ATP6V1A: variants seen among roughly 807,000 people sequenced by gnomAD.
ATP6V1A encodes ATPase H+ transporting V1 subunit A.
A neutral mutation model predicts 70.1 loss-of-function variants in ATP6V1A; 18 were observed. That is an observed-to-expected ratio of 0.26 (90% CI 0.18 to 0.38). ATP6V1A has a LOEUF of 0.38. Ranked by LOEUF, ATP6V1A falls within the 10% of genes least tolerant of loss-of-function variation. The probability of loss-of-function intolerance (pLI) is 1.00; values close to 1 mark genes in which losing one functional copy is unlikely to be tolerated. For missense variants in ATP6V1A, 424 were observed against 772.4 expected (o/e 0.55, Z 5.35); for synonymous variants, 232 against 253.8 (o/e 0.91, Z 0.82).
Position 113,761,965 on chromosome 3 carries a change from C to T in ATP6V1A, c.-14+14852C>T, listed in dbSNP as rs946462348. Reference sequence around the variant, plus strand: ...GTCAGGAGTTCGAGACCAGCCTGACCAACATGTAGAAACCCCAACTCTACT... The same window carrying T: ...GTCAGGAGTTCGAGACCAGCCTGACTAACATGTAGAAACCCCAACTCTACT... On this transcript the variant is annotated intron_variant, in intron 1 of 14. Transcript: ENST00000273398. Among the ~76,000 whole-genome samples, 10 of 120,150 alleles carry T rather than the reference C, an allele frequency of 8.3e-5. 1 individual carries two copies. The highest frequency in any genetic ancestry group is 1.4e-4 in the Non-Finnish European group (8 of 55,412). 78.8% of individuals were successfully genotyped at this position (120,150 alleles called of 152,430 possible).
chr3:113,793,678 T>A (rs573752393), intron 8 of ATP6V1A, among the ~76,000 whole-genome samples: 70 of 152,204 alleles, frequency 4.6e-4, no homozygotes, highest in Non-Finnish European at 7.5e-4. Flanking sequence ...TGATAAGTAA[T>A]GTTTCCTAAA....
chr3:113,807,819 T>C (rs1162387090), intron 14 of ATP6V1A, among the ~76,000 whole-genome samples: 1 of 152,150 alleles, frequency 6.6e-6, no homozygotes, highest in Non-Finnish European at 1.5e-5. Context: ...AATATTTTTC[T>C]ATTCTTAGAC....
rs1433760084 is a variant in ATP6V1A, at chr3:113,794,914, T to C, written c.1031T>C (p.Val344Ala). 3.7e-6 allele frequency: 6 copies of C among 1,613,738 alleles called. No homozygotes were observed. The highest frequency in any genetic ancestry group is 1.6e-4 in the Middle Eastern group (1 of 6,082). ...SEYFRDMGYH[V>A]SMMADSTSRW... The stretch of plus-strand genomic sequence containing the variant: ...TACTTCCGTGACATGGGCTATCATG[T>C]CAGTATGATGGCTGACTCTACCTCT... The change falls in exon 9 of 15, where the codon GTC becomes GCC. Residue 344 changes from valine to alanine, a missense_variant. By Grantham distance (64) the Val-to-Ala change is moderately conservative (BLOSUM62 0). Around this residue, in one of 9 missense-constraint regions of ATP6V1A, gnomAD observed 58 missense variants for 181.5 expected, o/e 0.32. Transcript: ENST00000273398.
chr3:113,765,251 TG>T (rs1708755002), intron 1 of ATP6V1A, among the ~76,000 whole-genome samples: 1 of 152,146 alleles, frequency 6.6e-6, no homozygotes, highest in Non-Finnish European at 1.5e-5. Flanking sequence ...TATAGTTAGT[TG>T]GTTATGTTTG....
At position 113,809,550 on chromosome 3, in the gene ATP6V1A, T is replaced by A. The variant is rs972764926; in HGVS notation, c.*123T>A. 11 of 784,420 alleles carry A rather than the reference T, an allele frequency of 1.4e-5. No homozygotes were observed. In the Admixed American group the frequency reaches 3.2e-4, roughly 23 times the overall value. The allele number at this position is 784,420 out of a possible 1,614,324, so 48.6% of individuals were successfully genotyped here. ...TGTGCAGCTTTGAGACTAGTGCCTA[T>A]GTGTGTTATTTGTTTCCCTGTTTTT... On this transcript the variant is annotated 3_prime_UTR_variant, in exon 15 of 15. Transcript: ENST00000273398.
chr3:113,780,466 C>T (rs1049983984), intron 2 of ATP6V1A, among the ~76,000 whole-genome samples: 6 of 152,090 alleles, frequency 3.9e-5, no homozygotes, highest in African/African-American at 1.4e-4. Context: ...AATATCCTTA[C>T]GGCCTATGAA....
intron 8 of ATP6V1A, among the ~76,000 whole-genome samples, chr3:113,794,290 G>A (rs1347259411): frequency 6.6e-6 from 1 of 152,214 alleles, no homozygotes; most frequent in Non-Finnish European, 1.5e-5. Flanking sequence ...GTGTGTGTAT[G>A]TGATATATAG....
chr3:113,748,565 G>A (rs1327155109), intron 1 of ATP6V1A, among the ~76,000 whole-genome samples: 1 of 152,142 alleles, frequency 6.6e-6, no homozygotes, highest in African/African-American at 2.4e-5. Flanking sequence ...TTGTTTTTCT[G>A]TGTCTTCCAA....
Position 113,809,498 on chromosome 3 carries a change from C to T in ATP6V1A, c.*71C>T. On this transcript the variant is annotated 3_prime_UTR_variant, in exon 15 of 15. Coordinates refer to ENST00000273398, the MANE Select transcript of ATP6V1A (RefSeq NM_001690.4). ...CCTATGTGTATATTTTCCTGAATTT[C>T]TCATCTCAAACCCTTTGCTTCTTTA... is the stretch of plus-strand genomic sequence containing the variant. 4 of 1,383,184 alleles carry T rather than the reference C, an allele frequency of 2.9e-6. No individual in the cohort carries two copies. The highest frequency in any genetic ancestry group is 2.0e-6 in the Non-Finnish European group (2 of 989,512). The allele number at this position is 1,383,184 out of a possible 1,614,324, so 85.7% of individuals were successfully genotyped here. A position where few individuals can be genotyped will look rare whatever the true frequency, so the allele number is the denominator to read the frequency against.
At chr3:113,808,132 A>G (rs1336507087) in intron 14 of ATP6V1A, among the ~76,000 whole-genome samples, 1 of 146,390 alleles carries the variant, frequency 6.8e-6, no homozygotes, top group Non-Finnish European at 1.5e-5. Flanking sequence ...CTCTGTCTGA[A>G]AAAAAAAAAA....
At chr3:113,790,208 CAGG>C (rs1357186209) in intron 8 of ATP6V1A, among the ~76,000 whole-genome samples, 3 of 145,298 alleles carry the variant, frequency 2.1e-5, no homozygotes, top group African/African-American at 7.7e-5. Context: ...GAGGCTGAGA[CAGG>C]AGAATTGCTT....
rs751949227 is a variant in ATP6V1A, at chr3:113,788,818, T to C, written c.822T>C (p.Tyr274=). 1 of 1,613,820 alleles carries C rather than the reference T, an allele frequency of 6.2e-7. No individual in the cohort carries two copies. The highest frequency in any genetic ancestry group is 1.1e-5 in the South Asian group (1 of 91,070). ...ATTCTAACAGTGATGTAATCATCTATGTAGGATGTGGTGAAAGAGGAAATG... is the reference window on the plus strand; with the variant it reads ...ATTCTAACAGTGATGTAATCATCTACGTAGGATGTGGTGAAAGAGGAAATG... The part of the protein sequence containing the change: ...SKYSNSDVII[Y]VGCGERGNEM... The change falls in exon 7 of 15, where the codon TAT becomes TAC. Residue 274 remains tyrosine (Y), a synonymous_variant. Transcript: ENST00000273398.
intron 1 of ATP6V1A, among the ~76,000 whole-genome samples, chr3:113,756,030 A>G (rs1708643870): frequency 6.6e-6 from 1 of 152,206 alleles, no homozygotes; most frequent in Non-Finnish European, 1.5e-5. Context: ...ATGCTTTCTT[A>G]ATACTTTAGT....
intron 1 of ATP6V1A, among the ~76,000 whole-genome samples, chr3:113,776,352 A>G (rs1186472729): frequency 6.6e-6 from 1 of 152,222 alleles, no homozygotes; most frequent in African/African-American, 2.4e-5. Context: ...CCTGCGTGAC[A>G]GCGAGAACTT....
chr3:113,791,986 T>G (rs1331496263), intron 8 of ATP6V1A, among the ~76,000 whole-genome samples: 6 of 151,402 alleles, frequency 4.0e-5, no homozygotes, highest in African/African-American at 1.5e-4. Context: ...TACCCTTATT[T>G]GGTTTTCACC....
chr3:113,794,830 A>G (rs1709136526), intron 8 of ATP6V1A, 42 bp from the exon 9 acceptor site: 1 of 1,569,686 alleles, frequency 6.4e-7, no homozygotes, highest in East Asian at 2.2e-5. Context: ...GGATTTTTAT[A>G]TGCTAGCATT....
At chr3:113,779,635 T>G (rs145080644) in intron 2 of ATP6V1A, among the ~76,000 whole-genome samples, 1 of 152,330 alleles carries the variant, frequency 6.6e-6, no homozygotes, top group African/African-American at 2.4e-5. Context: ...ACTTGGTGTT[T>G]GAGCTTGATT....
intron 12 of ATP6V1A, 119 bp downstream of exon 12, chr3:113,798,565 T>C (rs1214240471): frequency 4.2e-5 from 36 of 855,568 alleles, no homozygotes; most frequent in Non-Finnish European, 5.2e-5. Flanking sequence ...TATTAAATAT[T>C]TTTAATTGAA....
At chr3:113,784,872 A>G (rs765736831) in intron 5 of ATP6V1A, 39 bp downstream of exon 5, 3 of 1,598,162 alleles carry the variant, frequency 1.9e-6, no homozygotes, top group Middle Eastern at 1.7e-4. Context: ...GAGTGCCTCT[A>G]TTTCTATATG....
Sources: gnomAD v4.1 joint callset for allele counts (sites outside exome capture counted in the v4.1 genomes callset) on GRCh38, gnomAD v4.1.1 for gene constraint, gnomAD v4.1.1 regional missense constraint, MANE v1.5 for transcripts, NCBI Gene and HGNC (gene_info 2026-07-23, HGNC 2026-07-21) for gene names.